The following P4HA1 variants were observed in gnomAD, a reference collection of about 807,000 sequenced individuals.
P4HA1 encodes the protein prolyl 4-hydroxylase subunit alpha 1.
P4HA1 carries 24 observed loss-of-function variants against 72.8 expected under a neutral mutation model. The observed-to-expected ratio is 0.33, with a 90% CI of 0.24 to 0.46. The LOEUF is 0.46. P4HA1 is among the 20% of genes least tolerant of loss of function. The pLI, the probability that P4HA1 is intolerant of heterozygous loss-of-function variation, is 1.00. For missense variants in P4HA1, 446 were observed against 640.6 expected (o/e 0.70, Z 3.28); for synonymous variants, 201 against 218.8 (o/e 0.92, Z 0.72).
chr10:73,015,837 A>G (rs1207623487), intron 11 of P4HA1, among the ~76,000 whole-genome samples: 1 of 151,068 alleles, frequency 6.6e-6, no homozygotes, highest in Non-Finnish European at 1.5e-5. Flanking sequence ...CAATGCATTT[A>G]AAGTATCTTA....
intron 10 of P4HA1, among the ~76,000 whole-genome samples, chr10:73,022,017 C>G (rs2133047252): frequency 6.6e-6 from 1 of 152,364 alleles, no homozygotes; most frequent in Non-Finnish European, 1.5e-5. Context: ...CCCACCACAG[C>G]TCAGCAAGGC....
intron 10 of P4HA1, among the ~76,000 whole-genome samples, chr10:73,022,784 G>A (rs1247670134): frequency 6.6e-6 from 1 of 152,198 alleles, no homozygotes; most frequent in East Asian, 1.9e-4. Context: ...AACAAACAGT[G>A]TAGAGAAGAC....
intron 11 of P4HA1, among the ~76,000 whole-genome samples, chr10:73,014,832 T>C (rs1228427334): frequency 8.0e-6 from 1 of 125,478 alleles, no homozygotes; most frequent in Non-Finnish European, 1.6e-5. Context: ...TTCTTTTTTC[T>C]TTTTTTTTTT....
chr10:73,020,803 T>C (rs1456588920), intron 10 of P4HA1, among the ~76,000 whole-genome samples: 1 of 152,138 alleles, frequency 6.6e-6, no homozygotes, highest in Non-Finnish European at 1.5e-5. Flanking sequence ...AAAAACCATA[T>C]GATCATCTCT....
chr10:73,032,207 A>G (rs543922007), intron 9 of P4HA1, among the ~76,000 whole-genome samples: 1 of 152,316 alleles, frequency 6.6e-6, no homozygotes, highest in South Asian at 2.1e-4. Flanking sequence ...TTACAATTAA[A>G]AATGATTTCC....
At chr10:73,030,194 C>A in intron 10 of P4HA1, 77 bp downstream of exon 10, 1 of 612,380 alleles carries the variant, frequency 1.6e-6, no homozygotes, top group Non-Finnish European at 2.7e-6. Flanking sequence ...TGAGGACTGC[C>A]TGTTCAGTGT....
intron 12 of P4HA1, among the ~76,000 whole-genome samples, chr10:73,012,273 C>T (rs550869922): frequency 6.6e-6 from 1 of 152,204 alleles, no homozygotes; most frequent in South Asian, 2.1e-4. Flanking sequence ...AAGAGAAATG[C>T]AAATTAAAGC....
In P4HA1 at chr10:73,094,418, T is replaced by A. The variant is rs61865789; in HGVS notation, c.-33+2348A>T. 9.2e-3 allele frequency among the ~76,000 whole-genome samples: 1,406 copies of A among 152,236 alleles called. 18 individuals are homozygous for A. Among genetic ancestry groups the A allele is most frequent in the Non-Finnish European group, 0.011 (753 of 68,004 alleles). On this transcript the variant is annotated intron_variant, in intron 1 of 14. Coordinates refer to ENST00000394890, the MANE Select transcript of P4HA1 (RefSeq NM_001017962.3). ...TTGAGTGGGGGGGCAGGAAGTGACATACAAAATTCCATGTAGGGTGTATTT... is the reference window on the plus strand; with the variant it reads ...TTGAGTGGGGGGGCAGGAAGTGACAAACAAAATTCCATGTAGGGTGTATTT...
chr10:73,025,268 A>C (rs536632528), intron 10 of P4HA1, among the ~76,000 whole-genome samples: 23 of 152,348 alleles, frequency 1.5e-4, no homozygotes, highest in Admixed American at 1.3e-3. Context: ...CTTATCCACC[A>C]CAATCAAGTC....
At chr10:73,043,922 T>G (rs1197891973) in intron 9 of P4HA1, 13 of 1,613,356 alleles carry the variant, frequency 8.1e-6, no homozygotes, top group Non-Finnish European at 1.1e-5. Flanking sequence ...TGGTCAATTT[T>G]CCAGTCTCAG....
chr10:73,027,290 C>T (rs1182742615), intron 10 of P4HA1, among the ~76,000 whole-genome samples: 5 of 152,000 alleles, frequency 3.3e-5, no homozygotes, highest in Admixed American at 3.3e-4. Context: ...GAGTTCATGT[C>T]CTTTGCAGGG....
At chr10:73,014,176 C>CT (rs767397944) in intron 12 of P4HA1, 48 bp downstream of exon 12, 1 of 1,208,080 alleles carries the variant, frequency 8.3e-7, no homozygotes, top group Admixed American at 1.7e-5. Flanking sequence ...TAAAATGAAT[C>CT]TTGTCATCAA....
chr10:73,027,159 T>C lies in P4HA1; in HGVS notation c.1248+3112A>G, dbSNP rs182186252. The stretch of plus-strand genomic sequence containing the variant: ...AAGACACATATACACGTATGTTTAC[T>C]GTGGCACTATTCACAATAGCAAAGA... On this transcript the variant is annotated intron_variant, in intron 10 of 14. Transcript: ENST00000394890. Among the ~76,000 whole-genome samples the C allele has an allele frequency of 8.4e-3, 1,282 of 152,344 alleles. 6 individuals carry two copies. Among genetic ancestry groups the C allele is most frequent in the Non-Finnish European group, 0.014 (963 of 68,032 alleles).
intron 11 of P4HA1, among the ~76,000 whole-genome samples, chr10:73,016,559 C>T (rs936360080): frequency 2.6e-5 from 4 of 152,150 alleles, no homozygotes; most frequent in African/African-American, 9.7e-5. Flanking sequence ...GGTGGATCAC[C>T]TGAGGTCAGA....
intron 14 of P4HA1, among the ~76,000 whole-genome samples, chr10:73,008,752 CTCA>C (rs530145888): frequency 7.2e-4 from 109 of 152,216 alleles, no homozygotes; most frequent in African/African-American, 2.2e-3. Flanking sequence ...CTATTGTATG[CTCA>C]TCAAGTTTCC....
intron 9 of P4HA1, chr10:73,043,788 C>CCTATATATATACTATATATA: frequency 1.1e-6 from 1 of 874,328 alleles, no homozygotes; most frequent in Non-Finnish European, 1.9e-6. Flanking sequence ...TGCCTAACCA[C>CCTATATATATACTATATATA]CTAGGTCTTA....
At chr10:73,087,711 A>T (rs1404428464) in intron 1 of P4HA1, among the ~76,000 whole-genome samples, 5 of 151,410 alleles carry the variant, frequency 3.3e-5, no homozygotes. Context: ...GCTGGTCTCA[A>T]ACTCCTGGAT....
At position 73,096,833 on chromosome 10, in the gene P4HA1, TC is replaced by T. The variant is rs1032062408; in HGVS notation, c.-101del. The T allele has an allele frequency of 1.3e-5, 2 of 152,882 alleles. No homozygotes were observed. The highest frequency in any genetic ancestry group is 4.8e-5 in the African/African-American group (2 of 41,586). The allele number at this position is 152,882 out of a possible 1,614,324, so 9.5% of individuals were successfully genotyped here. ...GTCGCCTCCACTCGGAGCGGCTACT[TC>T]CTACCCTCAGCCCGCTGGCGGCGCG... On this transcript the variant is annotated 5_prime_UTR_variant, in exon 1 of 15. Transcript: ENST00000394890.
chr10:73,067,393 T>C (rs567986636), intron 5 of P4HA1, among the ~76,000 whole-genome samples: 2 of 152,154 alleles, frequency 1.3e-5, no homozygotes, highest in South Asian at 2.1e-4. Context: ...AATCATAAAT[T>C]TCCCTTACAA....
Sources: allele counts gnomAD v4.1 joint callset (sites outside exome capture counted in the v4.1 genomes callset), GRCh38; gene constraint gnomAD v4.1.1; transcripts MANE v1.5; gene names NCBI Gene and HGNC (gene_info 2026-07-23, HGNC 2026-07-21).